ADAMTS16: variants seen among roughly 807,000 people sequenced by gnomAD.
ADAMTS16 encodes A disintegrin and metalloproteinase with thrombospondin motifs 16.
Under a neutral mutation model 145.8 loss-of-function variants are expected in ADAMTS16, and 94 were observed. That is an observed-to-expected ratio of 0.64 (90% CI 0.55 to 0.77). ADAMTS16 has a LOEUF of 0.77. Ranked by LOEUF, ADAMTS16 falls within the 30% of genes least tolerant of loss-of-function variation. ADAMTS16 has a pLI of 0.00. For synonymous variants in ADAMTS16, 659 were observed against 604.3 expected (o/e 1.09, Z -1.33); for missense variants, 1,585 against 1,591.5 (o/e 1.00, Z 0.07).
At chr5:5,175,286 G>A (rs143883534) in intron 3 of ADAMTS16, among the ~76,000 whole-genome samples, 69 of 152,308 alleles carry the variant, frequency 4.5e-4, no homozygotes, top group African/African-American at 1.6e-3. Flanking sequence ...CCTAGTGTGT[G>A]TCTAGAAATG....
chr5:5,250,179 C>A (rs965656445), intron 17 of ADAMTS16, among the ~76,000 whole-genome samples: 1 of 152,148 alleles, frequency 6.6e-6, no homozygotes, highest in African/African-American at 2.4e-5. Context: ...GCTGTGGGTC[C>A]AGGCTTAAGG....
chr5:5,218,169 A>G (rs944138453), intron 10 of ADAMTS16, among the ~76,000 whole-genome samples: 1 of 152,258 alleles, frequency 6.6e-6, no homozygotes, highest in African/African-American at 2.4e-5. Context: ...TCAAAGTGAT[A>G]AAGTTGGACA....
intron 16 of ADAMTS16, 113 bp from the exon 17 acceptor site, chr5:5,241,940 A>C: frequency 7.8e-7 from 1 of 1,279,328 alleles, no homozygotes; most frequent in Non-Finnish European, 1.1e-6. Context: ...TTTTATCATC[A>C]TAACAAACTT....
intron 11 of ADAMTS16, among the ~76,000 whole-genome samples, chr5:5,230,831 C>T (rs1447759294): frequency 2.0e-5 from 3 of 152,186 alleles, no homozygotes; most frequent in African/African-American, 7.2e-5. Flanking sequence ...GCTTTTGAGA[C>T]AGCGCTCCTG....
At position 5,262,766 on chromosome 5, in the gene ADAMTS16, A is replaced by G. The variant is rs781558815; in HGVS notation, c.2772A>G (p.Val924=). The change falls in exon 18 of 23, where the codon GTA becomes GTG. Residue 924 remains valine, a synonymous_variant. Coordinates refer to ENST00000274181, the MANE Select transcript of ADAMTS16 (RefSeq NM_139056.4). The stretch of plus-strand genomic sequence containing the variant: ...TCACGGGGCTGGTGCCTTGCAAAGT[A>G]TCTGCCTGTCCTCCCAGGTAAGAAG... ...RPVTGLVPCK[V]SACPPSWSVG... is the part of the protein sequence containing the mutation. 16 of 1,614,038 alleles carry G rather than the reference A, an allele frequency of 9.9e-6. No homozygotes were observed. The South Asian group carries it at 1.8e-4, about 18-fold the overall frequency.
intron 9 of ADAMTS16, among the ~76,000 whole-genome samples, chr5:5,200,659 CTTCT>C (rs761151369): frequency 3.4e-4 from 52 of 151,840 alleles, no homozygotes; most frequent in Non-Finnish European, 6.2e-4. Flanking sequence ...TTTGGTTTTT[CTTCT>C]TTCTCTTTAT....
chr5:5,146,443 C>G lies in ADAMTS16; in HGVS notation c.489C>G (p.Thr163=). Residue 163 remains threonine, a synonymous_variant, in exon 3 of 23, where the codon ACC becomes ACG. Coordinates refer to ENST00000274181, the MANE Select transcript of ADAMTS16 (RefSeq NM_139056.4). ...GAAACTCCTCAGTGGCCCTTTCAACCTGCCAAGGCTTGGTGAGTACAGCGC... is the reference window on the plus strand; with the variant it reads ...GAAACTCCTCAGTGGCCCTTTCAACGTGCCAAGGCTTGGTGAGTACAGCGC... ...SHRNSSVALS[T]CQGLSGMIRT... is the part of the protein sequence containing the mutation. 6.2e-7 allele frequency: 1 copy of G among 1,607,722 alleles called. No homozygotes were observed. Among genetic ancestry groups the G allele is most frequent in the Non-Finnish European group, 8.5e-7 (1 of 1,179,190 alleles).
At chr5:5,214,156 T>C (rs1736354453) in intron 10 of ADAMTS16, among the ~76,000 whole-genome samples, 1 of 152,230 alleles carries the variant, frequency 6.6e-6, no homozygotes, top group Non-Finnish European at 1.5e-5. Context: ...GTGTTGACTA[T>C]TGTCAAGACC....
intron 9 of ADAMTS16, among the ~76,000 whole-genome samples, chr5:5,206,353 G>A (rs1163332652): frequency 1.6e-5 from 2 of 127,154 alleles, no homozygotes; most frequent in African/African-American, 3.0e-5. Context: ...GTGAACCCGG[G>A]AGGCGGAGCT....
At chr5:5,201,674 T>C (rs1199052638) in intron 9 of ADAMTS16, among the ~76,000 whole-genome samples, 7 of 148,256 alleles carry the variant, frequency 4.7e-5, no homozygotes, top group Admixed American at 4.6e-4. Context: ...CCAGCAGGTT[T>C]GGTGGAAGAA....
intron 17 of ADAMTS16, among the ~76,000 whole-genome samples, chr5:5,258,879 T>G (rs1737896047): frequency 2.0e-5 from 3 of 152,088 alleles, no homozygotes; most frequent in Admixed American, 6.5e-5. Context: ...TGATCATTCT[T>G]GGGTGTGTAT....
At chr5:5,295,590 G>C (rs1251997850) in intron 18 of ADAMTS16, among the ~76,000 whole-genome samples, 3 of 152,216 alleles carry the variant, frequency 2.0e-5, no homozygotes, top group Admixed American at 6.5e-5. Context: ...GTTTTGCCAA[G>C]GGATGAAGAG....
intron 17 of ADAMTS16, among the ~76,000 whole-genome samples, chr5:5,258,573 T>A (rs2126422184): frequency 6.6e-6 from 1 of 152,010 alleles, no homozygotes; most frequent in Middle Eastern, 3.4e-3. Flanking sequence ...GAGAAGCAGG[T>A]GTTTGAGTTT....
chr5:5,173,127 T>C (rs1370783071), intron 3 of ADAMTS16, among the ~76,000 whole-genome samples: 1 of 151,814 alleles, frequency 6.6e-6, no homozygotes, highest in African/African-American at 2.4e-5. Flanking sequence ...TTTAGTCACC[T>C]ATGGGTGACT....
At chr5:5,304,486 A>T (rs1392124168) in intron 20 of ADAMTS16, among the ~76,000 whole-genome samples, 1 of 152,124 alleles carries the variant, frequency 6.6e-6, no homozygotes, top group South Asian at 2.1e-4. Context: ...TGAACGGGGT[A>T]TTGAGAGATC....
chr5:5,232,596 AGC>A, intron 12 of ADAMTS16, 80 bp downstream of exon 12: 1 of 1,331,560 alleles, frequency 7.5e-7, no homozygotes. Flanking sequence ...CCTGTGTCTC[AGC>A]TCTTTTTTTT....
At chr5:5,312,374 A>G (rs1273281866) in intron 21 of ADAMTS16, among the ~76,000 whole-genome samples, 1 of 152,014 alleles carries the variant, frequency 6.6e-6, no homozygotes, top group African/African-American at 2.4e-5. Flanking sequence ...GACAAAAAGT[A>G]TCAGTAGCTA....
chr5:5,146,014 A>T, intron 2 of ADAMTS16, 116 bp from the exon 3 acceptor site: 1 of 895,128 alleles, frequency 1.1e-6, no homozygotes, highest in Non-Finnish European at 1.7e-6. Context: ...ATTTTTCTTC[A>T]TCATTTTTGA....
intron 3 of ADAMTS16, among the ~76,000 whole-genome samples, chr5:5,170,600 A>C (rs968495996): frequency 1.3e-5 from 2 of 149,216 alleles, no homozygotes; most frequent in African/African-American, 5.0e-5. Flanking sequence ...CTGGTCTTGA[A>C]CTCCCGACCT....
Sources: allele counts gnomAD v4.1 joint callset (sites outside exome capture counted in the v4.1 genomes callset), GRCh38; gene constraint gnomAD v4.1.1; transcripts MANE v1.5; gene names NCBI Gene and HGNC (gene_info 2026-07-23, HGNC 2026-07-21).